The following TMEM233 variants were observed in gnomAD, a reference collection of about 807,000 sequenced individuals.
TMEM233 encodes dispanin subfamily B member 2.
A neutral mutation model predicts 11.2 loss-of-function variants in TMEM233; 6 were observed. That is an observed-to-expected ratio of 0.54 (90% CI 0.29 to 1.06). TMEM233 has a LOEUF of 1.06. TMEM233 is among the 50% of genes least tolerant of loss of function. TMEM233 has a pLI of 0.08. For missense variants in TMEM233, 127 were observed against 144.7 expected (o/e 0.88, Z 0.63); for synonymous variants, 59 against 55.8 (o/e 1.06, Z -0.26).
At chr12:119,631,343 T>C (rs532860740) in intron 2 of TMEM233, 30 of 233,290 alleles carry the variant, frequency 1.3e-4, no homozygotes, top group Non-Finnish European at 1.8e-4. Context: ...CAACCCAACC[T>C]TGGCAACCAA....
At position 119,600,351 on chromosome 12, in the gene TMEM233, C is replaced by T. The variant is rs376883987; in HGVS notation, c.186+6317C>T. Among the ~76,000 whole-genome samples, 17 of 139,366 alleles carry T rather than the reference C, an allele frequency of 1.2e-4. No individual in the cohort carries two copies. The South Asian group carries it at 3.0e-3, about 25-fold the overall frequency. The allele number at this position is 139,366 out of a possible 152,430, so 91.4% of individuals were successfully genotyped here. On this transcript the variant is annotated intron_variant, in intron 1 of 2. Transcript: ENST00000426426. The stretch of plus-strand genomic sequence containing the variant: ...AAATAAAACAGCCAGAGAAGCAAAA[C>T]AGAGCTCTTGGGAATTAAAAAATAT...
intron 1 of TMEM233, among the ~76,000 whole-genome samples, chr12:119,613,960 A>G (rs1954466680): frequency 2.0e-5 from 3 of 152,004 alleles, no homozygotes; most frequent in Admixed American, 2.0e-4. Flanking sequence ...AGACGGGGGC[A>G]GGAAACGGGG....
intron 1 of TMEM233, among the ~76,000 whole-genome samples, chr12:119,613,445 G>A (rs142690684): frequency 0.012 from 1,787 of 152,228 alleles, 24 homozygotes; most frequent in Non-Finnish European, 0.016. Context: ...ACTGTGACTC[G>A]CGTCAAGAGC....
At chr12:119,646,705 G>A (rs545955469), downstream of TMEM233, among the ~76,000 whole-genome samples, 2 of 152,122 alleles carry the variant, frequency 1.3e-5, no homozygotes, top group Non-Finnish European at 2.9e-5. Context: ...CTTTTGTTCT[G>A]ACTCCTTTTC....
At chr12:119,632,114 TG>T (rs1231380067) in intron 2 of TMEM233, among the ~76,000 whole-genome samples, 2 of 152,208 alleles carry the variant, frequency 1.3e-5, no homozygotes, top group Non-Finnish European at 2.9e-5. Context: ...TTGAGCTAAG[TG>T]GGTTATAATA....
chr12:119,617,555 C>T (rs535513245), intron 1 of TMEM233, among the ~76,000 whole-genome samples: 10 of 152,238 alleles, frequency 6.6e-5, no homozygotes, highest in African/African-American at 1.4e-4. Flanking sequence ...AAACCCCAGC[C>T]GGGCACGGTG....
intron 1 of TMEM233, among the ~76,000 whole-genome samples, chr12:119,627,038 A>G (rs1269323585): frequency 6.6e-6 from 1 of 152,240 alleles, no homozygotes; most frequent in African/African-American, 2.4e-5. Context: ...GCAGAGGAGC[A>G]AGTGGGATGG....
At position 119,594,827 on chromosome 12, in the gene TMEM233, TACTC is replaced by T. The variant is rs1177704649; in HGVS notation, c.186+794_186+797del. Among the ~76,000 whole-genome samples, 1 of 152,080 alleles carries T rather than the reference TACTC, an allele frequency of 6.6e-6. No individual in the cohort carries two copies. The highest frequency in any genetic ancestry group is 1.5e-5 in the Non-Finnish European group (1 of 68,002). On this transcript the variant is annotated intron_variant, in intron 1 of 2. Transcript: ENST00000426426. This position sits in a 1 kb window ranked among gnomAD's most constrained non-coding sequence, Gnocchi z 5.6. ...ACCAGCAAAGTGGGTGCGCCTCTCT[TACTC>T]TTTCTACCCAGCGCGTCGTAGTTCC...
intron 1 of TMEM233, among the ~76,000 whole-genome samples, chr12:119,620,655 A>G (rs188120398): frequency 2.0e-5 from 3 of 152,328 alleles, no homozygotes; most frequent in East Asian, 1.9e-4. Context: ...AAAAGTTACA[A>G]AGGAAAGATT....
chr12:119,604,680 G>A (rs1954231710), intron 1 of TMEM233, among the ~76,000 whole-genome samples: 1 of 152,110 alleles, frequency 6.6e-6, no homozygotes, highest in South Asian at 2.1e-4. Context: ...CTGTCACCCA[G>A]ACTGGAGTGC....
chr12:119,616,273 G>T (rs1192776679), intron 1 of TMEM233, among the ~76,000 whole-genome samples: 1 of 152,186 alleles, frequency 6.6e-6, no homozygotes, highest in East Asian at 1.9e-4. Flanking sequence ...TACGTGATGA[G>T]AACCCATGTG....
At chr12:119,615,978 C>T (rs371776971) in intron 1 of TMEM233, among the ~76,000 whole-genome samples, 7 of 152,232 alleles carry the variant, frequency 4.6e-5, no homozygotes, top group African/African-American at 1.7e-4. Context: ...ACCGTCACTT[C>T]TGACTTCTGC....
downstream of TMEM233, among the ~76,000 whole-genome samples, chr12:119,646,189 C>T (rs1389709833): frequency 6.6e-6 from 1 of 152,058 alleles, no homozygotes; most frequent in Non-Finnish European, 1.5e-5. Flanking sequence ...TCCCGAGTAG[C>T]TGGGACTACA....
Position 119,631,809 on chromosome 12 carries a change from G to C in TMEM233, c.323+1937G>C, listed in dbSNP as rs78909642. On this transcript the variant is annotated intron_variant, in intron 2 of 2. Coordinates refer to ENST00000426426, the MANE Select transcript of TMEM233 (RefSeq NM_001136534.3). Reference sequence around the variant, plus strand: ...CCTCACCTGTAAAATGAGAATAATAGTAGTACCCATTTCATAAAGCTATTG... The same window carrying C: ...CCTCACCTGTAAAATGAGAATAATACTAGTACCCATTTCATAAAGCTATTG... 1,691 of 229,038 alleles carry C rather than the reference G, an allele frequency of 7.4e-3. 31 individuals carry two copies. The highest frequency in any genetic ancestry group is 0.037 in the African/African-American group (1,593 of 43,066). 14.2% of individuals were successfully genotyped at this position (229,038 alleles called of 1,614,324 possible). A position where few individuals can be genotyped will look rare whatever the true frequency, so the allele number is the denominator to read the frequency against.
rs999138995 is a variant in TMEM233 at position 119,595,327 on chromosome 12, C to A, written c.186+1293C>A. On this transcript the variant is annotated intron_variant, in intron 1 of 2. Transcript: ENST00000426426. The surrounding 1 kb of genome is among the most constrained non-coding windows in gnomAD (Gnocchi z 4.3). ...CCACAGACGCAGAGCCCTGATTCAG[C>A]GCTGTGAAAATCGCTAGCCACCCGT... 1.3e-5 allele frequency among the ~76,000 whole-genome samples: 2 copies of A among 152,352 alleles called. No homozygotes were observed. Among genetic ancestry groups the A allele is most frequent in the African/African-American group, 4.8e-5 (2 of 41,592 alleles).
chr12:119,649,161 G>T, the TMEM233 span, among the ~76,000 whole-genome samples: 1 of 152,120 alleles, frequency 6.6e-6, no homozygotes, highest in Admixed American at 6.6e-5. Flanking sequence ...AGCCGAGAGT[G>T]GTGGTGCATG....
intron 2 of TMEM233, among the ~76,000 whole-genome samples, chr12:119,636,909 A>G (rs1450273724): frequency 1.3e-5 from 2 of 152,190 alleles, no homozygotes; most frequent in African/African-American, 2.4e-5. Context: ...CACACATGGT[A>G]TCTTGATCAG....
intron 1 of TMEM233, among the ~76,000 whole-genome samples, chr12:119,626,538 GGAGAAGAGAA>G (rs199737179): frequency 0.081 from 5,079 of 62,704 alleles, 428 homozygotes; most frequent in East Asian, 0.27. Flanking sequence ...AAGGGAGAAG[GGAGAAGAGAA>G]GAGAAGAGAA....
intron 1 of TMEM233, among the ~76,000 whole-genome samples, chr12:119,626,031 C>G (rs1954749773): frequency 6.6e-6 from 1 of 152,040 alleles, no homozygotes; most frequent in South Asian, 2.1e-4. Context: ...GGAGAGTCTC[C>G]TGATGTGTTT....
Sources: allele counts gnomAD v4.1 joint callset (sites outside exome capture counted in the v4.1 genomes callset), GRCh38; gene constraint gnomAD v4.1.1; non-coding constraint Gnocchi (gnomAD v3.1); transcripts MANE v1.5; gene names NCBI Gene and HGNC (gene_info 2026-07-23, HGNC 2026-07-21).